The following PRKD2 variants were observed in gnomAD, a reference collection of about 807,000 sequenced individuals.
PRKD2 encodes the protein serine/threonine-protein kinase D2.
Under a neutral mutation model 86.0 loss-of-function variants are expected in PRKD2, and 22 were observed. The observed-to-expected ratio is 0.26, with a 90% CI of 0.18 to 0.37. The LOEUF (loss-of-function observed/expected upper bound fraction) is 0.37. Ranked by LOEUF, PRKD2 falls within the 10% of genes least tolerant of loss-of-function variation. PRKD2 has a pLI of 1.00. For missense variants in PRKD2, 818 were observed against 1,199.2 expected, an observed-to-expected ratio of 0.68 and a Z score of 4.70; for synonymous variants, 509 against 510.9, an observed-to-expected ratio of 1.00 and a Z score of 0.05.
At chr19:46,698,555 C>A (rs1284879772) in intron 7 of PRKD2, among the ~76,000 whole-genome samples, 3 of 152,198 alleles carry the variant, frequency 2.0e-5, no homozygotes. Context: ...TTTAGTCCAG[C>A]AATTGTGGAG....
chr19:46,700,528 A>C (rs557683859), intron 7 of PRKD2, among the ~76,000 whole-genome samples: 56 of 152,172 alleles, frequency 3.7e-4, no homozygotes, highest in African/African-American at 1.3e-3. Context: ...GCTACTCGAG[A>C]GGCTAAGGTG....
chr19:46,700,678 T>C, intron 7 of PRKD2, 121 bp downstream of exon 7: 2 of 1,329,974 alleles, frequency 1.5e-6, no homozygotes, highest in South Asian at 1.6e-5. Flanking sequence ...AAGGTTTGCC[T>C]CAGGAACTGG....
chr19:46,693,749 T>A lies in PRKD2; in HGVS notation c.1576+126A>T. 7.3e-7 allele frequency: 1 copy of A among 1,365,050 alleles called. No individual in the cohort carries two copies. Among genetic ancestry groups the A allele is most frequent in the Admixed American group, 2.3e-5 (1 of 43,964 alleles). The allele number at this position is 1,365,050 out of a possible 1,614,324, so 84.6% of individuals were successfully genotyped here. On this transcript the variant is annotated intron_variant, in intron 10 of 17. Coordinates refer to ENST00000291281, the MANE Select transcript of PRKD2 (RefSeq NM_016457.5). The surrounding 1 kb of genome is among the most constrained non-coding windows in gnomAD (Gnocchi z 4.5). ...TAACAGAGTTTGAACCCAGGCCTGC[T>A]GAGTCCAGAAGCTGCGTTCTCAACC...
In PRKD2 at chr19:46,697,733, C is replaced by T; in HGVS notation, c.1239G>A (p.Leu413=). 1.2e-6 allele frequency: 2 copies of T among 1,612,136 alleles called. 1 individual carries two copies. The highest frequency in any genetic ancestry group is 2.2e-5 in the South Asian group (2 of 91,026). The part of the protein sequence containing the change: ...WVVHYSNKDT[L]RKRHYWRLDC... ...ACCCGGCCCCGCCCCGGCCACTCACCAGCGTGTCCTTGTTGCTGTAATGAA... is the reference window on the plus strand; with the variant it reads ...ACCCGGCCCCGCCCCGGCCACTCACTAGCGTGTCCTTGTTGCTGTAATGAA... Residue 413 remains leucine, a splice_region_variant and synonymous_variant, in exon 8 of 18, where the codon CTG becomes CTA. Coordinates refer to ENST00000291281, the MANE Select transcript of PRKD2 (RefSeq NM_016457.5).
At position 46,713,491 on chromosome 19, in the gene PRKD2, A is replaced by C. The variant is rs1032219988; in HGVS notation, c.379+372T>G. Among the ~76,000 whole-genome samples, 5 of 152,176 alleles carry C rather than the reference A, an allele frequency of 3.3e-5. No individual in the cohort carries two copies. In the East Asian group the frequency reaches 9.6e-4, roughly 29 times the overall value. ...ACATCACAAGTGCACAGCTCAATGA[A>C]TTTTCAAACTGTACAAAGCGTGTCA... On this transcript the variant is annotated intron_variant, in intron 2 of 17. Transcript: ENST00000291281.
intron 8 of PRKD2, 76 bp from the exon 9 acceptor site, chr19:46,697,310 G>A (rs2053574242): frequency 1.7e-6 from 2 of 1,150,896 alleles, no homozygotes; most frequent in Non-Finnish European, 2.5e-6. Flanking sequence ...GCTGCTTGGG[G>A]CTCCAGGTGC....
intron 3 of PRKD2, among the ~76,000 whole-genome samples, chr19:46,708,768 C>T (rs2053755366): frequency 6.6e-6 from 1 of 152,134 alleles, no homozygotes; most frequent in Non-Finnish European, 1.5e-5. Flanking sequence ...TCTCACAATT[C>T]CAGGGATTTT....
chr19:46,716,277 G>A lies in PRKD2; in HGVS notation c.94C>T (p.Pro32Ser), dbSNP rs776148897. The change falls in exon 1 of 18, where the codon CCA (proline) becomes TCA (serine). Residue 32 changes from proline (P) to serine (S), a missense_variant. Physicochemically the swap from Pro to Ser is moderately conservative, Grantham distance 74. Coordinates refer to ENST00000291281, the MANE Select transcript of PRKD2 (RefSeq NM_016457.5). This position sits in a 1 kb window ranked among gnomAD's most constrained non-coding sequence, Gnocchi z 7.9. The part of the protein sequence containing the change: ...PPGGLELQSP[P>S]PLLPQIPAPG... ...GCCGGGATCTGGGGCAGTAGCGGTG[G>A]CGGCGACTGCAGCTCTAGGCCGCCG... The A allele has an allele frequency of 9.5e-6, 15 of 1,584,378 alleles. No homozygotes were observed. The Middle Eastern group carries it at 1.6e-3, about 166-fold the overall frequency.
chr19:46,713,791 C>A, intron 2 of PRKD2, 72 bp downstream of exon 2: 1 of 1,297,922 alleles, frequency 7.7e-7, no homozygotes, highest in South Asian at 1.4e-5. Context: ...TCTAACTCCC[C>A]CTACCCTCTC....
intron 7 of PRKD2, 23 bp downstream of exon 7, chr19:46,700,776 C>T: frequency 1.3e-6 from 2 of 1,599,890 alleles, no homozygotes; most frequent in Non-Finnish European, 1.7e-6. Context: ...CCCCCAGGGT[C>T]TCTTGGAGGG....
chr19:46,696,367 A>G (rs148117018), intron 9 of PRKD2, among the ~76,000 whole-genome samples: 3,105 of 152,248 alleles, frequency 0.02, 48 homozygotes, highest in Middle Eastern at 0.051. Context: ...CCCTGCAAGG[A>G]GAAGGCTGAA....
At chr19:46,680,946 A>ATATATATATATATATATATATATATAT in intron 15 of PRKD2, among the ~76,000 whole-genome samples, 4 of 48,234 alleles carry the variant, frequency 8.3e-5, no homozygotes, top group Non-Finnish European at 1.6e-4. Context: ...ATATATATAT[A>ATATATATATATATATATATATATATAT]TTTTTTTTTT....
chr19:46,694,209 A>T, intron 9 of PRKD2, 76 bp from the exon 10 acceptor site: 1 of 1,556,586 alleles, frequency 6.4e-7, no homozygotes, highest in Non-Finnish European at 8.7e-7. Flanking sequence ...AGAAGGATAC[A>T]CGGGATCCAT....
chr19:46,682,343 CAG>C (rs1441697413), intron 14 of PRKD2, among the ~76,000 whole-genome samples: 1 of 151,620 alleles, frequency 6.6e-6, no homozygotes, highest in Non-Finnish European at 1.5e-5. Context: ...TTAGTAGAGA[CAG>C]GGTTTCACCA....
intron 10 of PRKD2, 98 bp from the exon 11 acceptor site, chr19:46,692,083 T>C: frequency 1.6e-6 from 2 of 1,215,708 alleles, no homozygotes; most frequent in Non-Finnish European, 2.4e-6. Context: ...GCCACCCAGA[T>C]TTGAATCCAA....
chr19:46,681,583 T>TACCCCCCCC, intron 15 of PRKD2, 67 bp downstream of exon 15: 1 of 671,506 alleles, frequency 1.5e-6, no homozygotes, highest in Non-Finnish European at 2.6e-6. Context: ...ATAATCCCCT[T>TACCCCCCCC]CCCCACCCCC....
At chr19:46,689,821 G>A (rs2053457842) in intron 13 of PRKD2, 123 bp from the exon 14 acceptor site, 1 of 1,163,356 alleles carries the variant, frequency 8.6e-7, no homozygotes, top group Non-Finnish European at 1.2e-6. Context: ...TTGGCACTTG[G>A]AGAGGGAAGG....
At chr19:46,708,461 G>A (rs1289129326) in intron 3 of PRKD2, among the ~76,000 whole-genome samples, 1 of 151,892 alleles carries the variant, frequency 6.6e-6, no homozygotes, top group Non-Finnish European at 1.5e-5. Context: ...AGGACTAGAG[G>A]TATGCACCAC....
intron 14 of PRKD2, among the ~76,000 whole-genome samples, chr19:46,681,967 A>G (rs891187193): frequency 2.0e-5 from 3 of 151,760 alleles, no homozygotes; most frequent in Non-Finnish European, 2.9e-5. Flanking sequence ...CAGCCTCCCA[A>G]GTAGCTGGGA....
Sources: allele counts gnomAD v4.1 joint callset (sites outside exome capture counted in the v4.1 genomes callset), GRCh38; gene constraint gnomAD v4.1.1; non-coding constraint Gnocchi (gnomAD v3.1); transcripts MANE v1.5; gene names NCBI Gene and HGNC (gene_info 2026-07-23, HGNC 2026-07-21).